The following PER3 variants were observed in gnomAD, a reference collection of about 807,000 sequenced individuals.
The protein encoded by PER3 is period circadian protein homolog 3.
Under a neutral mutation model 127.2 loss-of-function variants are expected in PER3, and 107 were observed. The ratio of observed to expected loss-of-function variants is 0.84; its 90% CI spans 0.72 to 0.99. The LOEUF (loss-of-function observed/expected upper bound fraction) is 0.99. Among genes scored for constraint, PER3 ranks in the 50% least tolerant of loss-of-function variants. The pLI is 0.00. For synonymous variants in PER3, 618 were observed against 585.8 expected (o/e 1.05, Z -0.79); for missense variants, 1,560 against 1,525.8 (o/e 1.02, Z -0.37).
intron 10 of PER3, among the ~76,000 whole-genome samples, chr1:7,806,812 A>ATATATATATATAT (rs1553309916): frequency 4.1e-4 from 25 of 60,616 alleles, no homozygotes; most frequent in East Asian, 3.5e-3. Flanking sequence ...AAAAAAAAAA[A>ATATATATATATAT]ATATATATAT....
intron 8 of PER3, among the ~76,000 whole-genome samples, chr1:7,802,818 G>GT (rs2097176137): frequency 6.6e-6 from 1 of 152,206 alleles, no homozygotes; most frequent in African/African-American, 2.4e-5. Context: ...ATTTTAGCAA[G>GT]TTCGCTAGAT....
intron 5 of PER3, among the ~76,000 whole-genome samples, chr1:7,788,974 G>C (rs962125362): frequency 1.3e-5 from 2 of 151,190 alleles, no homozygotes; most frequent in African/African-American, 4.9e-5. Flanking sequence ...AAACTTATGA[G>C]TCTTATTACT....
intron 5 of PER3, among the ~76,000 whole-genome samples, chr1:7,791,874 C>A (rs1051716192): frequency 1.3e-5 from 2 of 152,220 alleles, no homozygotes; most frequent in African/African-American, 4.8e-5. Context: ...CCACCTCAGC[C>A]TGCACTTCAT....
At chr1:7,805,696 A>G (rs1189736955) in intron 10 of PER3, among the ~76,000 whole-genome samples, 1 of 152,194 alleles carries the variant, frequency 6.6e-6, no homozygotes, top group Non-Finnish European at 1.5e-5. Context: ...GTTGCTTGGC[A>G]TGAACGTAGG....
In PER3 at chr1:7,820,645, C is replaced by G; in HGVS notation, c.1957+5C>G. 1 of 1,596,030 alleles carries G rather than the reference C, an allele frequency of 6.3e-7. No individual in the cohort carries two copies. Among genetic ancestry groups the G allele is most frequent in the Non-Finnish European group, 8.5e-7 (1 of 1,170,724 alleles). Reference sequence around the variant, plus strand: ...ATGTCCCACCCCCAGAGACAGGTACCACACTCGCCTCTTACTTTGAAAATA... The same window carrying G: ...ATGTCCCACCCCCAGAGACAGGTACGACACTCGCCTCTTACTTTGAAAATA... On this transcript the variant is annotated splice_donor_5th_base_variant and intron_variant, in intron 16 of 21. Coordinates refer to ENST00000377532, the MANE Select transcript of PER3 (RefSeq NM_001377275.1).
In PER3 at chr1:7,827,246, C is replaced by A. The variant is rs1402089901; in HGVS notation, c.2317C>A (p.Gln773Lys). The A allele has an allele frequency of 6.8e-6, 11 of 1,613,894 alleles. No individual in the cohort carries two copies. Among genetic ancestry groups the A allele is most frequent in the Non-Finnish European group, 9.3e-6 (11 of 1,179,968 alleles). ...CTCTGGTCCCCGCAGGGGAGCGCAT[C>A]AGAACGCACAGCCCTGCTGCCCCTC... is the stretch of plus-strand genomic sequence containing the variant. Reference protein sequence around the residue: ...TGSGPRRGAHQNAQPCCPSAA... With the variant: ...TGSGPRRGAHKNAQPCCPSAA... The change falls in exon 18 of 22, where the codon CAG becomes AAG. Residue 773 changes from glutamine to lysine, a missense_variant. Physicochemically the swap from Gln to Lys is moderately conservative, Grantham distance 53. This residue lies in a region of PER3 where 1,332 missense variants were observed against 1,223.6 expected (regional missense o/e 1.09). Transcript: ENST00000377532.
chr1:7,833,334 G>A (rs796988437), intron 19 of PER3, among the ~76,000 whole-genome samples: 7 of 152,198 alleles, frequency 4.6e-5, no homozygotes, highest in African/African-American at 1.7e-4. Flanking sequence ...TTTTCTATCT[G>A]TTTTATAAGT....
At chr1:7,800,422 C>T (rs945403007) in intron 7 of PER3, among the ~76,000 whole-genome samples, 1 of 151,244 alleles carries the variant, frequency 6.6e-6, no homozygotes, top group African/African-American at 2.4e-5. Flanking sequence ...TGGCCAAGCT[C>T]GTCTCAAATT....
At chr1:7,815,201 A>G (rs2097241973) in intron 13 of PER3, among the ~76,000 whole-genome samples, 1 of 152,252 alleles carries the variant, frequency 6.6e-6, no homozygotes, top group African/African-American at 2.4e-5. Flanking sequence ...AACATCAGCA[A>G]TCACTAATGT....
rs191016322 is a variant in PER3, at chr1:7,803,809, G to A, written c.1097G>A (p.Arg366Gln). ...SWSSFVNPWS[R>Q]KISFIIGRHK... ...TCCAGCTTTGTGAATCCCTGGAGCC[G>A]GAAGATTTCTTTCATCATTGGTCGG... The change falls in exon 10 of 22, where the codon CGG becomes CAG. Residue 366 changes from arginine (R) to glutamine (Q), a missense_variant. By Grantham distance (43) the Arg-to-Gln change is conservative (BLOSUM62 1). This residue lies in a region of PER3 where 1,332 missense variants were observed against 1,223.6 expected (regional missense o/e 1.09). Coordinates refer to ENST00000377532, the MANE Select transcript of PER3 (RefSeq NM_001377275.1). 1.6e-4 allele frequency: 261 copies of A among 1,613,704 alleles called. 1 individual carries two copies. The Admixed American group carries it at 2.6e-3, about 16-fold the overall frequency.
intron 21 of PER3, among the ~76,000 whole-genome samples, chr1:7,840,123 C>T (rs537935028): frequency 9.9e-5 from 15 of 152,162 alleles, no homozygotes; most frequent in East Asian, 5.8e-4. Context: ...GGTCTTCATA[C>T]GTGTATTCTT....
At chr1:7,818,716 C>A (rs1054723942) in intron 13 of PER3, among the ~76,000 whole-genome samples, 4 of 152,208 alleles carry the variant, frequency 2.6e-5, no homozygotes, top group African/African-American at 9.6e-5. Context: ...AAATGTAATA[C>A]AATTAACATT....
intron 13 of PER3, among the ~76,000 whole-genome samples, chr1:7,812,375 C>A (rs2097222612): frequency 6.6e-6 from 1 of 151,170 alleles, no homozygotes; most frequent in Admixed American, 6.6e-5. Context: ...GCCTGTAATC[C>A]CAGCACTTTG....
At chr1:7,812,856 CA>C (rs2097226564) in intron 13 of PER3, among the ~76,000 whole-genome samples, 1 of 152,072 alleles carries the variant, frequency 6.6e-6, no homozygotes, top group Admixed American at 6.5e-5. Flanking sequence ...TGGAGACCTA[CA>C]AGTTTAAAGA....
At chr1:7,842,550 G>T (rs1199566672) in intron 21 of PER3, 122 bp from the exon 22 acceptor site, 2 of 990,556 alleles carry the variant, frequency 2.0e-6, no homozygotes, top group Non-Finnish European at 1.4e-6. Flanking sequence ...GAACTATAAT[G>T]AAATATTTTC....
chr1:7,802,205 C>G (rs1243468369), intron 8 of PER3, among the ~76,000 whole-genome samples: 3 of 152,144 alleles, frequency 2.0e-5, no homozygotes, highest in Non-Finnish European at 4.4e-5. Context: ...TATCCTGAAA[C>G]TATTTCTGTG....
rs80252085 is a variant in PER3, at chr1:7,795,673, G to A, written c.644+1665G>A. On this transcript the variant is annotated intron_variant, in intron 6 of 21. Transcript: ENST00000377532. ...GGAAGGAACGAGGATGGAAGAAGACGGGAAAGCACGGGCCACACCACAGGG... is the reference window on the plus strand; with the variant it reads ...GGAAGGAACGAGGATGGAAGAAGACAGGAAAGCACGGGCCACACCACAGGG... Among the ~76,000 whole-genome samples the A allele has an allele frequency of 4.4e-3, 669 of 152,318 alleles. 5 individuals carry two copies. The highest frequency in any genetic ancestry group is 0.015 in the African/African-American group (611 of 41,574).
At chr1:7,837,529 A>G (rs1043606986) in intron 21 of PER3, among the ~76,000 whole-genome samples, 3 of 152,236 alleles carry the variant, frequency 2.0e-5, no homozygotes, top group African/African-American at 4.8e-5. Flanking sequence ...AGAGTTAAAA[A>G]AAGATGTAAG....
intron 5 of PER3, 43 bp from the exon 6 acceptor site, chr1:7,793,914 C>T (rs752619599): frequency 9.1e-6 from 14 of 1,540,408 alleles, no homozygotes; most frequent in Non-Finnish European, 1.8e-6. Flanking sequence ...CTGAGAAAGA[C>T]CTGGATAAGA....
Sources: gnomAD v4.1 joint callset for allele counts (sites outside exome capture counted in the v4.1 genomes callset) on GRCh38, gnomAD v4.1.1 for gene constraint, gnomAD v4.1.1 regional missense constraint, MANE v1.5 for transcripts, NCBI Gene and HGNC (gene_info 2026-07-23, HGNC 2026-07-21) for gene names.